ZFP1: variants seen among roughly 807,000 people sequenced by gnomAD.
ZFP1 encodes the protein zinc finger protein 1 homolog.
ZFP1 carries 32 observed loss-of-function variants against 38.5 expected under a neutral mutation model. The ratio of observed to expected loss-of-function variants is 0.83; its 90% confidence interval spans 0.63 to 1.12. The LOEUF (loss-of-function observed/expected upper bound fraction) is 1.12, where lower values mean the gene tolerates loss of function less well. Among genes scored for constraint, ZFP1 ranks in the 50% most tolerant of loss-of-function variants. The pLI is 0.00. For missense variants in ZFP1, 616 were observed against 480.8 expected, an observed-to-expected ratio of 1.28 and a Z score of -2.63; for synonymous variants, 245 against 168.8, an observed-to-expected ratio of 1.45 and a Z score of -3.50.
upstream of ZFP1, among the ~76,000 whole-genome samples, chr16:75,144,508 G>C (rs547468376): frequency 2.0e-5 from 3 of 152,188 alleles, no homozygotes; most frequent in South Asian, 6.2e-4. Context: ...GAACATTCTT[G>C]TATATACATC....
At chr16:75,159,612 C>G (rs1567530916) in intron 2 of ZFP1, among the ~76,000 whole-genome samples, 1 of 148,652 alleles carries the variant, frequency 6.7e-6, no homozygotes, top group Non-Finnish European at 1.5e-5. Context: ...TGGTATATTG[C>G]CCAAGCTGGT....
At chr16:75,128,611 C>G in the ZFP1 span, among the ~76,000 whole-genome samples, 2 of 152,150 alleles carry the variant, frequency 1.3e-5, no homozygotes, top group African/African-American at 4.8e-5. Context: ...GGCAACGTGT[C>G]TTCAAAATAA....
At position 75,170,201 on chromosome 16, in the gene ZFP1, G is replaced by C. The variant is rs1381441375; in HGVS notation, c.1091G>C (p.Arg364Thr). The change falls in exon 4 of 4, where the codon AGG (arginine) becomes ACG (threonine). Residue 364 changes from arginine (R) to threonine (T), a missense_variant. Physicochemically the swap from Arg to Thr is moderately conservative, Grantham distance 71. Transcript: ENST00000570010. ...CTECGKTFSQRSTLRLHLRIH... is the reference protein window; with the variant it reads ...CTECGKTFSQTSTLRLHLRIH... The stretch of plus-strand genomic sequence containing the variant: ...GAGTGCGGCAAAACTTTCAGCCAGA[G>C]GTCAACTCTTAGATTACACTTGCGA... 3 of 1,613,976 alleles carry C rather than the reference G, an allele frequency of 1.9e-6. No individual in the cohort carries two copies. The highest frequency in any genetic ancestry group is 1.3e-5 in the African/African-American group (1 of 74,876).
intron 2 of ZFP1, among the ~76,000 whole-genome samples, chr16:75,163,130 A>G (rs1181254804): frequency 6.6e-6 from 1 of 151,554 alleles, no homozygotes; most frequent in Non-Finnish European, 1.5e-5. Flanking sequence ...GTTGGTCTCG[A>G]ACTCCTGACC....
chr16:75,167,009 G>C (rs2038125445), intron 3 of ZFP1, 113 bp downstream of exon 3: 6 of 1,511,690 alleles, frequency 4.0e-6, no homozygotes, highest in South Asian at 2.7e-5. Flanking sequence ...TAAGTCCTCA[G>C]GTATTAAACC....
At chr16:75,121,665 A>G in the ZFP1 span, among the ~76,000 whole-genome samples, 8 of 152,280 alleles carry the variant, frequency 5.3e-5, no homozygotes, top group African/African-American at 1.9e-4. Context: ...TAATACGTCT[A>G]TGTATTTATG....
At chr16:75,159,742 T>A (rs923761109) in intron 2 of ZFP1, among the ~76,000 whole-genome samples, 1 of 152,122 alleles carries the variant, frequency 6.6e-6, no homozygotes, top group Non-Finnish European at 1.5e-5. Context: ...CAGTTTTGTT[T>A]GTATGCTGGA....
At chr16:75,123,455 G>GTATGTATATATATA in the ZFP1 span, among the ~76,000 whole-genome samples, 22 of 87,246 alleles carry the variant, frequency 2.5e-4, no homozygotes, top group East Asian at 3.3e-4. Context: ...GTGTGTATAT[G>GTATGTATATATATA]TATATATATA....
chr16:75,133,563 C>G, the ZFP1 span, among the ~76,000 whole-genome samples: 7 of 152,196 alleles, frequency 4.6e-5, no homozygotes, highest in Non-Finnish European at 1.0e-4. Context: ...TGGCCTCCAT[C>G]TCCATCCATG....
the ZFP1 span, among the ~76,000 whole-genome samples, chr16:75,130,152 T>C: frequency 6.6e-6 from 1 of 152,108 alleles, no homozygotes; most frequent in Non-Finnish European, 1.5e-5. Context: ...AGGTATGCAC[T>C]ACCACACCTG....
At chr16:75,159,442 T>G (rs1228609711) in intron 2 of ZFP1, among the ~76,000 whole-genome samples, 2 of 146,804 alleles carry the variant, frequency 1.4e-5, no homozygotes, top group Admixed American at 6.8e-5. Context: ...AGAGTCTTGG[T>G]TACCCCCAGA....
At chr16:75,146,638 C>T (rs969769607), upstream of ZFP1, among the ~76,000 whole-genome samples, 1 of 152,250 alleles carries the variant, frequency 6.6e-6, no homozygotes, top group East Asian at 1.9e-4. Flanking sequence ...GAATATTATG[C>T]AGCACTAAAA....
chr16:75,166,627 G>A (rs967783533), intron 2 of ZFP1, 143 bp from the exon 3 acceptor site: 1 of 1,478,472 alleles, frequency 6.8e-7, no homozygotes, highest in South Asian at 1.4e-5. Flanking sequence ...AATATATTTT[G>A]GAAGACATGA....
At chr16:75,161,774 A>ATATATAT (rs1555523101) in intron 2 of ZFP1, among the ~76,000 whole-genome samples, 3 of 7,820 alleles carry the variant, frequency 3.8e-4, no homozygotes, top group Non-Finnish European at 5.6e-4. Flanking sequence ...ATATATATAT[A>ATATATAT]TTTTTTTTTT....
chr16:75,134,528 G>A, the ZFP1 span, among the ~76,000 whole-genome samples: 1 of 151,916 alleles, frequency 6.6e-6, no homozygotes, highest in Non-Finnish European at 1.5e-5. Context: ...AGGCCGAGGC[G>A]GGTGGATCAC....
At chr16:75,147,783 G>C (rs1395243600), upstream of ZFP1, among the ~76,000 whole-genome samples, 1 of 152,166 alleles carries the variant, frequency 6.6e-6, no homozygotes, top group Non-Finnish European at 1.5e-5. Context: ...AGGGAAATGG[G>C]AAGATGGTGG....
chr16:75,153,572 C>T (rs1265909897), intron 2 of ZFP1, among the ~76,000 whole-genome samples: 3 of 152,116 alleles, frequency 2.0e-5, no homozygotes, highest in African/African-American at 7.2e-5. Context: ...TTTGGGTTTA[C>T]AGAAAAATTG....
At chr16:75,131,296 C>T in the ZFP1 span, among the ~76,000 whole-genome samples, 18 of 152,194 alleles carry the variant, frequency 1.2e-4, no homozygotes, top group East Asian at 2.7e-3. Context: ...GGAGGCTTCC[C>T]GGAAGAGGAA....
chr16:75,123,380 A>ATG, the ZFP1 span, among the ~76,000 whole-genome samples: 4 of 146,004 alleles, frequency 2.7e-5, no homozygotes, highest in Non-Finnish European at 4.5e-5. Context: ...ATATATATAT[A>ATG]TGTGTATATA....
Sources: allele counts gnomAD v4.1 joint callset (sites outside exome capture counted in the v4.1 genomes callset), GRCh38; gene constraint gnomAD v4.1.1; transcripts MANE v1.5; gene names NCBI Gene and HGNC (gene_info 2026-07-23, HGNC 2026-07-21).